The following CHL1 variants were observed in gnomAD, a reference collection of about 807,000 sequenced individuals.
The protein encoded by CHL1 is neural cell adhesion molecule L1-like protein.
CHL1 carries 96 observed loss-of-function variants against 141.9 expected under a neutral mutation model. The observed-to-expected ratio is 0.68, with a 90% CI of 0.57 to 0.80. CHL1 has a LOEUF of 0.80. Among genes scored for constraint, CHL1 ranks in the 30% least tolerant of loss-of-function variants. The pLI is 0.00. For synonymous variants in CHL1, 613 were observed against 502.2 expected, an observed-to-expected ratio of 1.22 and a Z score of -2.95; for missense variants, 1,820 against 1,457.2, an observed-to-expected ratio of 1.25 and a Z score of -4.05.
chr3:335,463 T>C (rs1225925013), intron 5 of CHL1, among the ~76,000 whole-genome samples: 2 of 152,186 alleles, frequency 1.3e-5, no homozygotes, highest in East Asian at 3.9e-4. Flanking sequence ...TTAAATCTCT[T>C]TACCAAAGGA....
intron 24 of CHL1, 63 bp from the exon 25 acceptor site, chr3:398,163 AT>A (rs1205154638): frequency 3.4e-6 from 4 of 1,185,132 alleles, no homozygotes; most frequent in African/African-American, 1.6e-5. Flanking sequence ...TAACAACAAT[AT>A]TTTTTTATGT....
intron 5 of CHL1, among the ~76,000 whole-genome samples, chr3:329,162 C>T (rs1559262890): frequency 6.6e-6 from 1 of 151,998 alleles, no homozygotes; most frequent in African/African-American, 2.4e-5. Flanking sequence ...ACGTTTTCCC[C>T]CTGTTCTTAA....
chr3:300,946 G>C (rs928000404), intron 2 of CHL1, among the ~76,000 whole-genome samples: 1 of 152,150 alleles, frequency 6.6e-6, no homozygotes, highest in African/African-American at 2.4e-5. Context: ...TGTTTAGGAA[G>C]TTAAAAGAAC....
chr3:284,851 T>A (rs979007004), intron 2 of CHL1, among the ~76,000 whole-genome samples: 4 of 152,058 alleles, frequency 2.6e-5, no homozygotes, highest in African/African-American at 9.7e-5. Context: ...GTGCTATGAG[T>A]ACGTGGATTC....
At chr3:222,732 GA>G (rs1700963163) in intron 1 of CHL1, among the ~76,000 whole-genome samples, 2 of 152,138 alleles carry the variant, frequency 1.3e-5, no homozygotes, top group African/African-American at 4.8e-5. Flanking sequence ...GGAAGGGAAG[GA>G]AAAACAATTT....
chr3:238,963 C>T (rs200696118), intron 1 of CHL1, among the ~76,000 whole-genome samples: 1 of 148,902 alleles, frequency 6.7e-6, no homozygotes, highest in Non-Finnish European at 1.5e-5. Context: ...AACAAAAAAT[C>T]TTTTTTTTTT....
At chr3:303,575 T>C (rs1311009733) in intron 2 of CHL1, among the ~76,000 whole-genome samples, 1 of 152,244 alleles carries the variant, frequency 6.6e-6, no homozygotes, top group East Asian at 1.9e-4. Context: ...TTTTTGCACG[T>C]TGATTTTGTA....
rs562566169 is a variant in CHL1 at position 352,757 on chromosome 3, TA to T, written c.1034-1882del. On this transcript the variant is annotated intron_variant, in intron 10 of 27. Transcript: ENST00000256509. ...TTTTCAAGCAATTATAAAGAAAGCTTATAAAGAAGGGTTAAGGTAAAGTATA... is the reference window on the plus strand; with the variant it reads ...TTTTCAAGCAATTATAAAGAAAGCTTTAAAGAAGGGTTAAGGTAAAGTATA... Among the ~76,000 whole-genome samples, 518 of 152,272 alleles carry T rather than the reference TA, an allele frequency of 3.4e-3. 1 individual carries two copies. Among genetic ancestry groups the T allele is most frequent in the African/African-American group, 0.012 (496 of 41,566 alleles).
chr3:402,867 A>C (rs562016744), intron 27 of CHL1, among the ~76,000 whole-genome samples: 5 of 152,354 alleles, frequency 3.3e-5, no homozygotes, highest in African/African-American at 1.2e-4. Flanking sequence ...GATCATTACT[A>C]TTGTATTAGT....
At chr3:212,549 C>T (rs1699986055) in intron 1 of CHL1, among the ~76,000 whole-genome samples, 1 of 152,206 alleles carries the variant, frequency 6.6e-6, no homozygotes, top group Admixed American at 6.5e-5. Context: ...CTAAGATCTA[C>T]ATGTCACCGC....
rs766594025 is a variant in CHL1 at position 390,853 on chromosome 3, T to C, written c.2586+37T>C. On this transcript the variant is annotated intron_variant, in intron 21 of 27. Coordinates refer to ENST00000256509, the MANE Select transcript of CHL1 (RefSeq NM_006614.4). ...CATGGTTTTTCCTCTTCTTGTTGAA[T>C]TGGTATCTTTCCTGAGAATAAAGAA... 16 of 1,500,698 alleles carry C rather than the reference T, an allele frequency of 1.1e-5. No homozygotes were observed. In the African/African-American group the frequency reaches 1.7e-4, roughly 16 times the overall value. The allele number at this position is 1,500,698 out of a possible 1,614,324, so 93.0% of individuals were successfully genotyped here.
intron 9 of CHL1, 80 bp downstream of exon 9, chr3:344,789 C>A (rs1702627655): frequency 7.5e-7 from 1 of 1,334,514 alleles, no homozygotes; most frequent in Non-Finnish European, 1.0e-6. Flanking sequence ...TAAGACTGTG[C>A]TTGCAAAGAT....
intron 1 of CHL1, among the ~76,000 whole-genome samples, chr3:243,034 C>G (rs1333665486): frequency 6.6e-6 from 1 of 152,042 alleles, no homozygotes; most frequent in Non-Finnish European, 1.5e-5. Context: ...ATGTCTTAGA[C>G]AGATCTAATG....
At chr3:319,591 C>G in intron 2 of CHL1, 92 bp from the exon 3 acceptor site, 2 of 302,026 alleles carry the variant, frequency 6.6e-6, no homozygotes, top group Non-Finnish European at 5.9e-6. Flanking sequence ...ACTGCCAAAC[C>G]AAAAAAAAAA....
intron 2 of CHL1, among the ~76,000 whole-genome samples, chr3:254,712 A>G (rs1397766646): frequency 6.6e-6 from 1 of 152,148 alleles, no homozygotes; most frequent in Non-Finnish European, 1.5e-5. Context: ...GGCCTTCTCG[A>G]TGCTTCCTTC....
intron 1 of CHL1, among the ~76,000 whole-genome samples, chr3:227,285 ATATCT>A (rs1701440538): frequency 6.6e-6 from 1 of 152,216 alleles, no homozygotes; most frequent in Non-Finnish European, 1.5e-5. Flanking sequence ...ACAAAAAATG[ATATCT>A]TATTCTAGTG....
chr3:398,341 A>T lies in CHL1; in HGVS notation c.3209A>T (p.Asp1070Val). ...CGCCTAATGACTAAGAATTGGGGCG[A>T]TAATGATAGCATTTTTCAAGATGTA... ...IVRLMTKNWG[D>V]NDSIFQDVIE... The change falls in exon 25 of 28, where the codon GAT (aspartate) becomes GTT (valine). Residue 1070 changes from aspartate (D) to valine (V), a missense_variant. By Grantham distance (152) the Asp-to-Val change is radical. Coordinates refer to ENST00000256509, the MANE Select transcript of CHL1 (RefSeq NM_006614.4). The T allele has an allele frequency of 6.2e-7, 1 of 1,607,184 alleles. No individual in the cohort carries two copies. The highest frequency in any genetic ancestry group is 1.7e-5 in the Admixed American group (1 of 59,998).
intron 2 of CHL1, among the ~76,000 whole-genome samples, chr3:283,094 A>T (rs1696810367): frequency 6.6e-6 from 1 of 152,112 alleles, no homozygotes. Flanking sequence ...TACATCTCTC[A>T]CTTGACACAG....
At chr3:349,249 T>A in intron 9 of CHL1, 110 bp from the exon 10 acceptor site, 1 of 843,620 alleles carries the variant, frequency 1.2e-6, no homozygotes, top group South Asian at 1.6e-5. Flanking sequence ...TTCAGTGGAA[T>A]ATGAGCACAT....
Sources: gnomAD v4.1 joint callset for allele counts (sites outside exome capture counted in the v4.1 genomes callset) on GRCh38, gnomAD v4.1.1 for gene constraint, MANE v1.5 for transcripts, NCBI Gene and HGNC (gene_info 2026-07-23, HGNC 2026-07-21) for gene names.